ABCC8: variants seen among roughly 807,000 people sequenced by gnomAD.
The protein encoded by ABCC8 is ATP-binding cassette sub-family C member 8.
ABCC8 carries 137 observed loss-of-function variants against 188.0 expected under a neutral mutation model. The observed-to-expected ratio is 0.73, with a 90% CI of 0.63 to 0.84. The LOEUF (loss-of-function observed/expected upper bound fraction) is 0.84, where lower values mean the gene tolerates loss of function less well. ABCC8 is among the 40% of genes least tolerant of loss of function. ABCC8 has a pLI of 0.00. For missense variants in ABCC8, 1,750 were observed against 2,072.7 expected, an observed-to-expected ratio of 0.84 and a Z score of 3.02; for synonymous variants, 797 against 846.5, an observed-to-expected ratio of 0.94 and a Z score of 1.01.
chr11:17,440,870 A>G (rs952731755), intron 10 of ABCC8, among the ~76,000 whole-genome samples: 1 of 152,190 alleles, frequency 6.6e-6, no homozygotes, highest in African/African-American at 2.4e-5. Flanking sequence ...CCATGTTTCC[A>G]AACTGTCTTG....
chr11:17,460,853 C>T, intron 5 of ABCC8, 177 bp from the exon 6 acceptor site: 2 of 1,310,432 alleles, frequency 1.5e-6, no homozygotes, highest in South Asian at 1.5e-5. Flanking sequence ...GTTGGGAGGG[C>T]CCTATCAACA....
Position 17,412,735 on chromosome 11 carries a change from C to A in ABCC8, c.2487G>T (p.Leu829=). 1 of 1,610,072 alleles carries A rather than the reference C, an allele frequency of 6.2e-7. No homozygotes were observed. Among genetic ancestry groups the A allele is most frequent in the East Asian group, 2.2e-5 (1 of 44,718 alleles). The change falls in exon 21 of 39, where the codon CTG becomes CTT. Residue 829 remains leucine, a synonymous_variant. Transcript: ENST00000389817. ...QTQIGERGIN[L]SGGQRQRISV... ...TGATTCGCTGGCGTTGACCACCAGA[C>A]AGGTTGATGCCCTGTCACCAAAGAG... is the stretch of plus-strand genomic sequence containing the variant.
chr11:17,395,418 G>T, intron 35 of ABCC8, 143 bp from the exon 36 acceptor site: 2 of 1,506,782 alleles, frequency 1.3e-6, no homozygotes, highest in Non-Finnish European at 1.8e-6. Context: ...GTGGGTGGGG[G>T]ACAGCATCTT....
chr11:17,413,287 T>A, intron 20 of ABCC8, 107 bp downstream of exon 20: 1 of 1,519,994 alleles, frequency 6.6e-7, no homozygotes, highest in Non-Finnish European at 9.1e-7. Flanking sequence ...CTCTTCAGCC[T>A]TCAATGTCTC....
chr11:17,412,683 C>G lies in ABCC8; in HGVS notation c.2539G>C (p.Ala847Pro), dbSNP rs561593131. ...ISVARALYQH[A>P]NVVFLDDPFS... ...GCACTCACCAAGAAGACAACGTTGG[C>G]GTGCTGGTAGAGGGCTCGGGCCACA... Residue 847 changes from alanine (A) to proline (P), a missense_variant, in exon 21 of 39, where the codon GCC becomes CCC. Ala to Pro is a conservative substitution (Grantham distance 27). Transcript: ENST00000389817. 1 of 1,611,590 alleles carries G rather than the reference C, an allele frequency of 6.2e-7. No homozygotes were observed. Among genetic ancestry groups the G allele is most frequent in the African/African-American group, 1.3e-5 (1 of 74,840 alleles).
chr11:17,430,621 T>C, intron 12 of ABCC8, 193 bp downstream of exon 12: 1 of 723,096 alleles, frequency 1.4e-6, no homozygotes, highest in Non-Finnish European at 2.5e-6. Flanking sequence ...AGCAAGTCCT[T>C]GCTCAGGGAT....
intron 7 of ABCC8, among the ~76,000 whole-genome samples, chr11:17,450,318 CTTTCTTTCT>C (rs1956742486): frequency 8.8e-6 from 1 of 114,054 alleles, no homozygotes; most frequent in African/African-American, 3.7e-5. Context: ...TTCTTTCTTT[CTTTCTTTCT>C]CTCTCTCTCT....
intron 6 of ABCC8, among the ~76,000 whole-genome samples, chr11:17,458,684 A>G (rs1047418968): frequency 2.6e-5 from 4 of 152,224 alleles, no homozygotes; most frequent in African/African-American, 9.6e-5. Context: ...AGAGGCTCAA[A>G]AAGCCAGATA....
chr11:17,398,164 G>C (rs1482789574), intron 30 of ABCC8, among the ~76,000 whole-genome samples, 175 bp downstream of exon 30: 1 of 152,206 alleles, frequency 6.6e-6, no homozygotes, highest in African/African-American at 2.4e-5. Context: ...AGTGATATGG[G>C]GAAAAGGAGC....
At chr11:17,475,087 A>T in intron 1 of ABCC8, 60 bp from the exon 2 acceptor site, 1 of 1,606,442 alleles carries the variant, frequency 6.2e-7, no homozygotes, top group Non-Finnish European at 8.5e-7. Flanking sequence ...AAGAGGGTGC[A>T]TGAACCCCAG....
intron 21 of ABCC8, 100 bp downstream of exon 21, chr11:17,412,566 G>T: frequency 1.4e-6 from 2 of 1,456,652 alleles, no homozygotes; most frequent in Admixed American, 3.9e-5. Context: ...TCCTGGAGAG[G>T]GAGATTGTTG....
At chr11:17,432,745 C>T (rs536592083) in intron 10 of ABCC8, among the ~76,000 whole-genome samples, 33 of 152,302 alleles carry the variant, frequency 2.2e-4, no homozygotes, top group African/African-American at 7.2e-4. Context: ...CAGCTTAAAG[C>T]AGGATGTCCC....
intron 7 of ABCC8, among the ~76,000 whole-genome samples, chr11:17,451,545 GC>G (rs1374723714): frequency 1.3e-5 from 2 of 152,324 alleles, no homozygotes; most frequent in African/African-American, 4.8e-5. Context: ...ATTGTCCCCA[GC>G]CCAAGCTATA....
At chr11:17,436,098 A>T in intron 10 of ABCC8, 1 of 848,018 alleles carries the variant, frequency 1.2e-6, no homozygotes, top group Non-Finnish European at 2.1e-6. Context: ...TTCCCAAAGG[A>T]ACAGCATTTC....
chr11:17,395,462 T>C, intron 35 of ABCC8, 148 bp downstream of exon 35: 1 of 1,462,150 alleles, frequency 6.8e-7, no homozygotes, highest in Non-Finnish European at 9.2e-7. Context: ...TTCCAGAGGC[T>C]GCCTGGGCCT....
intron 12 of ABCC8, chr11:17,430,507 G>A (rs1468991998): frequency 2.4e-6 from 1 of 423,688 alleles, no homozygotes; most frequent in African/African-American, 2.0e-5. Context: ...TAGGACCAGT[G>A]GGTAGAATTT....
chr11:17,394,866 G>A (rs1371609831), intron 36 of ABCC8, among the ~76,000 whole-genome samples: 1 of 152,168 alleles, frequency 6.6e-6, no homozygotes, highest in African/African-American at 2.4e-5. Flanking sequence ...GCAGGTGGAT[G>A]GGGCAGGGCA....
In ABCC8 at chr11:17,451,482, G is replaced by A. The variant is rs566999155; in HGVS notation, c.1176+1637C>T. On this transcript the variant is annotated intron_variant, in intron 7 of 38. Coordinates refer to ENST00000389817, the MANE Select transcript of ABCC8 (RefSeq NM_000352.6). ...ACAGGTTGTGCACTGCACAACTTGGGAGGGCACCGTTCACACAGACTATTC... is the reference window on the plus strand; with the variant it reads ...ACAGGTTGTGCACTGCACAACTTGGAAGGGCACCGTTCACACAGACTATTC... Among the ~76,000 whole-genome samples, 8 of 152,340 alleles carry A rather than the reference G, an allele frequency of 5.3e-5. No individual in the cohort carries two copies. The East Asian group carries it at 1.5e-3, about 29-fold the overall frequency.
Position 17,406,970 on chromosome 11 carries a change from A to G in ABCC8, c.3080T>C (p.Val1027Ala). The G allele has an allele frequency of 6.2e-7, 1 of 1,614,208 alleles. No individual in the cohort carries two copies. The highest frequency in any genetic ancestry group is 8.5e-7 in the Non-Finnish European group (1 of 1,180,034). ...CTTGGCCAGCCAGTAGTCGATGGCCACCAGGACCATGTGCTTGAGCAGCTG... is the reference window on the plus strand; with the variant it reads ...CTTGGCCAGCCAGTAGTCGATGGCCGCCAGGACCATGTGCTTGAGCAGCTG... ...FSQLLKHMVLVAIDYWLAKWT... is the reference protein window; with the variant it reads ...FSQLLKHMVLAAIDYWLAKWT... The change falls in exon 25 of 39, where the codon GTG becomes GCG. Residue 1027 changes from valine to alanine, a missense_variant. Physicochemically the swap from Val to Ala is moderately conservative, Grantham distance 64 (BLOSUM62 0). Coordinates refer to ENST00000389817, the MANE Select transcript of ABCC8 (RefSeq NM_000352.6).
Sources: gnomAD v4.1 joint callset for allele counts (sites outside exome capture counted in the v4.1 genomes callset) on GRCh38, gnomAD v4.1.1 for gene constraint, MANE v1.5 for transcripts, NCBI Gene and HGNC (gene_info 2026-07-23, HGNC 2026-07-21) for gene names.